The following CCDC120 variants were observed in gnomAD, a reference collection of about 807,000 sequenced individuals.
CCDC120 encodes the protein coiled-coil domain-containing protein 120.
CCDC120 carries 16 observed loss-of-function variants against 37.6 expected under a neutral mutation model. The ratio of observed to expected loss-of-function variants is 0.43; its 90% CI spans 0.29 to 0.65. CCDC120 has a LOEUF of 0.65. Ranked by LOEUF, CCDC120 falls within the 30% of genes least tolerant of loss-of-function variation. The pLI is 0.18. For missense variants in CCDC120, 650 were observed against 657.4 expected (o/e 0.99, Z 0.12); for synonymous variants, 309 against 275.4 (o/e 1.12, Z -1.21).
chrX:49,058,027 C>T (rs954618227), upstream of CCDC120, among the ~76,000 whole-genome samples: 18 of 112,009 alleles, frequency 1.6e-4, no homozygotes, highest in African/African-American at 5.8e-4. Context: ...ACTTCTCCTT[C>T]CCACTTGCAG....
upstream of CCDC120, among the ~76,000 whole-genome samples, chrX:49,055,600 G>A (rs2064825039): frequency 8.9e-6 from 1 of 112,098 alleles, no homozygotes; most frequent in South Asian, 3.7e-4. Context: ...AGTGGTAACA[G>A]TAACAACAAT....
Position 49,062,922 on chromosome X carries a change from C to T in CCDC120, c.288+321C>T, listed in dbSNP as rs183507116. Among the ~76,000 whole-genome samples, 102 of 111,664 alleles carry T rather than the reference C, an allele frequency of 9.1e-4. 1 individual carries two copies. Among genetic ancestry groups the T allele is most frequent in the East Asian group, 6.8e-3 (24 of 3,554 alleles). On this transcript the variant is annotated intron_variant, in intron 4 of 10. Coordinates refer to ENST00000603986, the MANE Select transcript of CCDC120 (RefSeq NM_001163321.4). ...TAAAAATGCAAAATTAGGCTGGGCG[C>T]GGTGGCTCACGCCTGTAATCCCAGC...
Position 49,064,411 on chromosome X carries a change from A to G in CCDC120, c.471A>G (p.Gln157=). ...LEALEREVSV[Q]QQIAAAARRL... is the part of the protein sequence containing the mutation. Reference sequence around the variant, plus strand: ...CCCTGGAACGCGAGGTGTCAGTGCAACAGCAGATCGCGGCGGCCGCCCGCC... The same window carrying G: ...CCCTGGAACGCGAGGTGTCAGTGCAGCAGCAGATCGCGGCGGCCGCCCGCC... The change falls in exon 6 of 11, where the codon CAA becomes CAG. Residue 157 remains glutamine, a synonymous_variant. Transcript: ENST00000603986. 3 of 1,178,522 alleles carry G rather than the reference A, an allele frequency of 2.5e-6. No homozygotes were observed. Among genetic ancestry groups the G allele is most frequent in the Non-Finnish European group, 2.3e-6 (2 of 879,737 alleles).
At chrX:49,055,013 C>T (rs188947437), upstream of CCDC120, among the ~76,000 whole-genome samples, 245 of 112,168 alleles carry the variant, frequency 2.2e-3, no homozygotes, top group Middle Eastern at 9.2e-3. Flanking sequence ...CCAGGACCTC[C>T]GAAGTACATC....
rs377420395 is a variant in CCDC120, at chrX:49,067,322, G to T, written c.1208G>T (p.Arg403Leu). Residue 403 changes from arginine to leucine, a missense_variant, in exon 10 of 11, where the codon CGG becomes CTG. This residue lies in a region of CCDC120 where 576 missense variants were observed against 565.3 expected (regional missense o/e 1.02). Coordinates refer to ENST00000603986, the MANE Select transcript of CCDC120 (RefSeq NM_001163321.4). The stretch of plus-strand genomic sequence containing the variant: ...AGTTCTGAGGCCCTGCTGGTGGACC[G>T]GGCCGCTGGTGGGGGAGCTGGCTCC... ...SNSSEALLVD[R>L]AAGGGAGSPP... 1 of 1,208,078 alleles carries T rather than the reference G, an allele frequency of 8.3e-7. No homozygotes were observed. Among genetic ancestry groups the T allele is most frequent in the South Asian group, 1.8e-5 (1 of 56,646 alleles).
chrX:49,068,296 C>T (rs1265193892), intron 10 of CCDC120: 9 of 1,079,715 alleles, frequency 8.3e-6, no homozygotes, highest in Non-Finnish European at 9.6e-6. Flanking sequence ...CTGGTAGCAG[C>T]AATTCTTTAT....
In CCDC120 at chrX:49,067,991, A is replaced by T. The variant is rs1557082096; in HGVS notation, c.1877A>T (p.His626Leu). Residue 626 changes from histidine to leucine, a missense_variant, in exon 10 of 11, where the codon CAT becomes CTT. Transcript: ENST00000603986. ...GGCCCGCCACACCCACCCTTCCTCC[A>T]TGCCCGCTGCTATGAGGTGGGCCAG... ...SVGPPHPPFL[H>L]ARCYEVGQAL... The T allele has an allele frequency of 1.7e-6, 2 of 1,146,501 alleles. No individual in the cohort carries two copies. The highest frequency in any genetic ancestry group is 5.3e-5 in the Admixed American group (2 of 38,023). 94.5% of individuals were successfully genotyped at this position (1,146,501 alleles called of 1,213,427 possible). A position where few individuals can be genotyped will look rare whatever the true frequency, so the allele number is the denominator to read the frequency against.
chrX:49,064,277 T>C (rs2064923900), intron 5 of CCDC120, 93 bp from the exon 6 acceptor site: 1 of 974,459 alleles, frequency 1.0e-6, no homozygotes, highest in South Asian at 2.4e-5. Context: ...TAGGTCTGAA[T>C]AGGCTGCAGG....
rs782662322 is a variant in CCDC120, at chrX:49,063,950, C to A, written c.378C>A (p.Ala126=). The A allele has an allele frequency of 8.3e-7, 1 of 1,208,523 alleles. No homozygotes were observed. The highest frequency in any genetic ancestry group is 1.8e-5 in the South Asian group (1 of 56,391). ...LVRRRPPTAR[A]YPPPHPNQAH... ...GCCGGCGGCCCCCCACAGCCCGCGC[C>A]TACCCTCCACCGCACCCCAACCAAG... Residue 126 remains alanine, a synonymous_variant, in exon 5 of 11, where the codon GCC becomes GCA. Coordinates refer to ENST00000603986, the MANE Select transcript of CCDC120 (RefSeq NM_001163321.4).
chrX:49,064,648 T>C lies in CCDC120; in HGVS notation c.708T>C (p.Leu236=), dbSNP rs782146795. ...AGGGAGTCTGCCTGGGCATGCGTCT[T>C]GCTCAGCTCAGCCAAGGTGAGCATC... The part of the protein sequence containing the change: ...TTQGVCLGMR[L]AQLSQEDVVL... The change falls in exon 6 of 11, where the codon CTT becomes CTC. Residue 236 remains leucine, a synonymous_variant. Coordinates refer to ENST00000603986, the MANE Select transcript of CCDC120 (RefSeq NM_001163321.4). The C allele has an allele frequency of 2.5e-6, 3 of 1,186,082 alleles. No individual in the cohort carries two copies. The East Asian group carries it at 9.1e-5, about 36-fold the overall frequency.
intron 1 of CCDC120, among the ~76,000 whole-genome samples, chrX:49,060,514 G>A (rs1231814851): frequency 9.3e-6 from 1 of 108,073 alleles, no homozygotes; most frequent in Non-Finnish European, 1.9e-5. Flanking sequence ...TGGCAAGGGG[G>A]ACCGTGGATG....
At chrX:49,066,614 C>A (rs1557081237) in intron 9 of CCDC120, 1 of 112,332 alleles carries the variant, frequency 8.9e-6, no homozygotes, top group African/African-American at 3.3e-5. Context: ...AACCACTGTC[C>A]TCTTCTGCTT....
intron 4 of CCDC120, 29 bp downstream of exon 4, chrX:49,062,630 C>A: frequency 8.4e-7 from 1 of 1,191,735 alleles, no homozygotes; most frequent in Non-Finnish European, 1.1e-6. Flanking sequence ...GGGTATCAGG[C>A]GGGGAGGTTG....
Position 49,064,476 on chromosome X carries a change from G to A in CCDC120, c.536G>A (p.Arg179Gln), listed in dbSNP as rs1041965199. The A allele has an allele frequency of 1.0e-5, 12 of 1,179,706 alleles. No homozygotes were observed. Among genetic ancestry groups the A allele is most frequent in the South Asian group, 9.3e-5 (5 of 53,518 alleles). ...CCTGATCTGAGCACCGAGCAGCGCC[G>A]GCGCCGGCGCCAGGTCCAGGCAGAT... is the stretch of plus-strand genomic sequence containing the variant. ...LAPDLSTEQR[R>Q]RRRQVQADAL... The change falls in exon 6 of 11, where the codon CGG becomes CAG. Residue 179 changes from arginine (R) to glutamine (Q), a missense_variant. This residue lies in a region of CCDC120 where 576 missense variants were observed against 565.3 expected (regional missense o/e 1.02). Transcript: ENST00000603986.
At position 49,062,328 on chromosome X, in the gene CCDC120, C is replaced by T. The variant is rs200797723; in HGVS notation, c.154+3C>T. The stretch of plus-strand genomic sequence containing the variant: ...CTCTCCTACCTTCAATGCCCCAGGT[C>T]GGTGGCTGCTTCCCCTCCTGCTGCC... On this transcript the variant is annotated splice_donor_region_variant and intron_variant, in intron 3 of 10. Transcript: ENST00000603986. 11 of 1,205,935 alleles carry T rather than the reference C, an allele frequency of 9.1e-6. No homozygotes were observed. The highest frequency in any genetic ancestry group is 5.9e-5 in the East Asian group (2 of 33,762).
intron 1 of CCDC120, among the ~76,000 whole-genome samples, chrX:49,060,415 A>G (rs2064870575): frequency 1.3e-5 from 1 of 78,496 alleles, no homozygotes; most frequent in Non-Finnish European, 2.4e-5. Context: ...TGACAGAGCC[A>G]GGCCCTATCT....
At chrX:49,067,108 G>A (rs782691351) in intron 9 of CCDC120, 68 bp from the exon 10 acceptor site, 155 of 974,412 alleles carry the variant, frequency 1.6e-4, no homozygotes, top group Non-Finnish European at 2.1e-4. Context: ...CTGGGGTAGG[G>A]AGGGCACTGC....
chrX:49,056,992 G>C (rs145179776), upstream of CCDC120, among the ~76,000 whole-genome samples: 797 of 112,375 alleles, frequency 7.1e-3, 9 homozygotes, highest in African/African-American at 0.025. Context: ...ACTTGTTCAA[G>C]CAGTCACACA....
intron 1 of CCDC120, among the ~76,000 whole-genome samples, chrX:49,059,994 G>A (rs1395768828): frequency 1.8e-5 from 2 of 112,457 alleles, no homozygotes; most frequent in Non-Finnish European, 3.8e-5. Flanking sequence ...GGTGTGGGGC[G>A]TTGACTGTGT....
Sources: gnomAD v4.1 joint callset for allele counts (sites outside exome capture counted in the v4.1 genomes callset) on GRCh38, gnomAD v4.1.1 for gene constraint, gnomAD v4.1.1 regional missense constraint, MANE v1.5 for transcripts, NCBI Gene and HGNC (gene_info 2026-07-23, HGNC 2026-07-21) for gene names.